Variants in EIF4G3 observed in about 807,000 individuals in gnomAD.
EIF4G3 encodes the protein eukaryotic translation initiation factor 4 gamma 3, also known as eIF-4-gamma 3.
Under a neutral mutation model 186.4 loss-of-function variants are expected in EIF4G3, and 34 were observed. That is an observed-to-expected ratio of 0.18 (90% CI 0.14 to 0.24). The LOEUF is 0.24. Ranked by LOEUF, EIF4G3 falls within the 10% of genes least tolerant of loss-of-function variation. EIF4G3 has a pLI of 1.00. For missense variants in EIF4G3, 1,536 were observed against 1,948.5 expected (o/e 0.79, Z 3.99); for synonymous variants, 673 against 679.5 (o/e 0.99, Z 0.15).
chr1:21,050,973 G>A lies in EIF4G3; in HGVS notation c.-174C>T, dbSNP rs2094176376. 1.4e-6 allele frequency: 1 copy of A among 717,382 alleles called. No homozygotes were observed. Among genetic ancestry groups the A allele is most frequent in the Non-Finnish European group, 2.6e-6 (1 of 385,038 alleles). The allele number at this position is 717,382 out of a possible 1,614,324, so 44.4% of individuals were successfully genotyped here. ...TAAGGGGATGGGGTAGGGGTTCCCG[G>A]CTGTCTTGCCACTTGTGTTACCTGT... On this transcript the variant is annotated 5_prime_UTR_variant, in exon 4 of 37. Transcript: ENST00000602326.
At chr1:20,971,559 T>G in intron 11 of EIF4G3, among the ~76,000 whole-genome samples, 1 of 152,232 alleles carries the variant, frequency 6.6e-6, no homozygotes, top group East Asian at 1.9e-4. Flanking sequence ...TCATGTCCTG[T>G]TCATTATGAT....
intron 18 of EIF4G3, chr1:20,892,827 G>T: frequency 2.4e-6 from 2 of 821,936 alleles, no homozygotes; most frequent in Non-Finnish European, 3.8e-6. Context: ...ATCTTATCAA[G>T]GTTGGCTCGC....
chr1:21,035,502 C>T (rs1219277022), intron 4 of EIF4G3, among the ~76,000 whole-genome samples: 1 of 152,248 alleles, frequency 6.6e-6, no homozygotes, highest in Non-Finnish European at 1.5e-5. Context: ...TCCCCACTCC[C>T]AGCATCTGCT....
At chr1:21,132,386 C>T (rs1031191743) in intron 2 of EIF4G3, among the ~76,000 whole-genome samples, 14 of 151,958 alleles carry the variant, frequency 9.2e-5, no homozygotes, top group African/African-American at 3.4e-4. Flanking sequence ...GGAAAAAATG[C>T]TGAATTAAAA....
chr1:20,851,710 ATTTAACAC>A (rs779588337), intron 27 of EIF4G3, among the ~76,000 whole-genome samples: 4 of 152,176 alleles, frequency 2.6e-5, no homozygotes, highest in Non-Finnish European at 5.9e-5. Context: ...AAGGGATACT[ATTTAACAC>A]TTTAACATGT....
At chr1:20,897,178 C>T (rs1231473032) in intron 16 of EIF4G3, among the ~76,000 whole-genome samples, 1 of 152,080 alleles carries the variant, frequency 6.6e-6, no homozygotes, top group Non-Finnish European at 1.5e-5. Context: ...TTCTTTCATC[C>T]CTTCTAAATA....
At position 20,893,625 on chromosome 1, in the gene EIF4G3, G is replaced by C; in HGVS notation, c.2145C>G (p.Pro715=). ...GATCCAGAGTTCGCATTGGCAATTT[G>C]GGTTGGTTGATCTGCATGAAAAAGC... The part of the protein sequence containing the change: ...SDVVLDKINQ[P]KLPMRTLDPR... The change falls in exon 18 of 37, where the codon CCC becomes CCG. Residue 715 remains proline (P), a synonymous_variant. Coordinates refer to ENST00000602326, the MANE Select transcript of EIF4G3 (RefSeq NM_001391906.1). 4 of 1,568,006 alleles carry C rather than the reference G, an allele frequency of 2.6e-6. No homozygotes were observed. Among genetic ancestry groups the C allele is most frequent in the Non-Finnish European group, 3.5e-6 (4 of 1,145,940 alleles).
intron 2 of EIF4G3, among the ~76,000 whole-genome samples, chr1:21,120,229 ATCT>A (rs2096902789): frequency 6.6e-6 from 1 of 151,402 alleles, no homozygotes; most frequent in Non-Finnish European, 1.5e-5. Context: ...AATCCAGTCC[ATCT>A]TCTTTTCCTC....
In EIF4G3 at chr1:20,851,490, AAAC is replaced by A; in HGVS notation, c.3552-15_3552-13del. 2 of 1,613,662 alleles carry A rather than the reference AAAC, an allele frequency of 1.2e-6. No individual in the cohort carries two copies. The highest frequency in any genetic ancestry group is 2.2e-5 in the East Asian group (1 of 44,880). On this transcript the variant is annotated splice_polypyrimidine_tract_variant and intron_variant, in intron 27 of 36. Transcript: ENST00000602326. ...CCATACTTCCACGACTTAAAAGACAAAACAACACTTTTCAAAGGAAAGACAAGC... is the reference window on the plus strand; with the variant it reads ...CCATACTTCCACGACTTAAAAGACAAAACACTTTTCAAAGGAAAGACAAGC...
intron 4 of EIF4G3, among the ~76,000 whole-genome samples, chr1:21,028,707 T>C (rs567725618): frequency 2.0e-5 from 3 of 152,342 alleles, no homozygotes; most frequent in East Asian, 3.9e-4. Flanking sequence ...TCATGATACA[T>C]AACTTCACAA....
At chr1:21,143,573 G>T (rs1191367346) in intron 2 of EIF4G3, among the ~76,000 whole-genome samples, 1 of 152,134 alleles carries the variant, frequency 6.6e-6, no homozygotes, top group Non-Finnish European at 1.5e-5. Flanking sequence ...ATAATGTACA[G>T]TAAGATACAT....
At chr1:21,004,134 T>G (rs1276557788) in intron 4 of EIF4G3, among the ~76,000 whole-genome samples, 1 of 152,216 alleles carries the variant, frequency 6.6e-6, no homozygotes, top group Admixed American at 6.5e-5. Flanking sequence ...CAATTAGCAG[T>G]CCACACAGTT....
In EIF4G3 at chr1:21,050,857, T is replaced by G; in HGVS notation, c.-67+9A>C. The G allele has an allele frequency of 1.4e-6, 1 of 693,370 alleles. No homozygotes were observed. Among genetic ancestry groups the G allele is most frequent in the South Asian group, 1.6e-5 (1 of 62,468 alleles). The allele number at this position is 693,370 out of a possible 1,614,324, so 43.0% of individuals were successfully genotyped here. ...CATTTCTTATTTTTTTAAAAAAGGT[T>G]TATCTTACTTGAGAGAGTCCAGGGG... On this transcript the variant is annotated intron_variant, in intron 4 of 36. Transcript: ENST00000602326.
At chr1:20,886,531 T>G (rs2084210379) in intron 18 of EIF4G3, among the ~76,000 whole-genome samples, 160 bp from the exon 19 acceptor site, 4 of 152,142 alleles carry the variant, frequency 2.6e-5, no homozygotes, top group Admixed American at 1.3e-4. Flanking sequence ...GTAAAAAAAA[T>G]AACTTCAGAA....
intron 3 of EIF4G3, among the ~76,000 whole-genome samples, chr1:21,065,740 C>G (rs2095211194): frequency 1.3e-5 from 2 of 152,130 alleles, no homozygotes; most frequent in African/African-American, 4.8e-5. Flanking sequence ...TTATTCAACA[C>G]ATTAAGATAA....
rs147452470 is a variant in EIF4G3, at chr1:20,954,526, C to T, written c.715-4415G>A. On this transcript the variant is annotated intron_variant, in intron 12 of 36. Transcript: ENST00000602326. ...ATTCCAGCCTGGCGAGAGAGTCAGACCCCGTCTCAAAAAAAAAAAAAAAAA... is the reference window on the plus strand; with the variant it reads ...ATTCCAGCCTGGCGAGAGAGTCAGATCCCGTCTCAAAAAAAAAAAAAAAAA... Among the ~76,000 whole-genome samples the T allele has an allele frequency of 3.6e-4, 48 of 133,048 alleles. No homozygotes were observed. In the East Asian group the frequency reaches 0.01, roughly 28 times the overall value. The allele number at this position is 133,048 out of a possible 152,430, so 87.3% of individuals were successfully genotyped here.
At chr1:21,146,638 T>C (rs906748788) in intron 2 of EIF4G3, among the ~76,000 whole-genome samples, 2 of 151,800 alleles carry the variant, frequency 1.3e-5, no homozygotes, top group Admixed American at 6.6e-5. Flanking sequence ...CCACCTGTAA[T>C]CCCAGCTACT....
chr1:21,111,290 T>C (rs895195953), intron 2 of EIF4G3: 6 of 470,932 alleles, frequency 1.3e-5, no homozygotes, highest in Middle Eastern at 3.2e-4. Context: ...AGACAAAAAT[T>C]TGAATCCTAG....
chr1:20,943,952 G>A (rs929112245), intron 13 of EIF4G3, among the ~76,000 whole-genome samples: 3 of 131,938 alleles, frequency 2.3e-5, no homozygotes, highest in Non-Finnish European at 4.7e-5. Flanking sequence ...AAATATTTCA[G>A]GAAAACTTGT....
Sources: allele counts gnomAD v4.1 joint callset (sites outside exome capture counted in the v4.1 genomes callset), GRCh38; gene constraint gnomAD v4.1.1; transcripts MANE v1.5; gene names NCBI Gene and HGNC (gene_info 2026-07-23, HGNC 2026-07-21).